Variants in NBEA observed in about 807,000 individuals in gnomAD.
NBEA encodes the protein lysosomal-trafficking regulator 2.
Under a neutral mutation model 343.4 loss-of-function variants are expected in NBEA, and 44 were observed. That is an observed-to-expected ratio of 0.13 (90% CI 0.10 to 0.16). The LOEUF (loss-of-function observed/expected upper bound fraction) is 0.16, where lower values mean the gene tolerates loss of function less well. NBEA is among the 10% of genes least tolerant of loss of function. The pLI is 1.00. For missense variants in NBEA, 2,555 were observed against 3,631.3 expected (o/e 0.70, Z 7.62); for synonymous variants, 1,175 against 1,238.7 (o/e 0.95, Z 1.08).
chr13:35,165,056 G>T (rs1471883367), intron 24 of NBEA: 1 of 533,440 alleles, frequency 1.9e-6, no homozygotes, highest in Non-Finnish European at 3.9e-6. Context: ...TTGCTCAGAT[G>T]GGAAAGAATA....
chr13:35,595,897 G>T (rs1280024742), intron 47 of NBEA, among the ~76,000 whole-genome samples: 4 of 151,328 alleles, frequency 2.6e-5, no homozygotes, highest in African/African-American at 4.9e-5. Context: ...ATTTTTTTTT[G>T]AGTGACGTGG....
intron 8 of NBEA, among the ~76,000 whole-genome samples, chr13:35,066,528 T>C (rs1323023199): frequency 6.6e-6 from 1 of 152,158 alleles, no homozygotes; most frequent in East Asian, 1.9e-4. Flanking sequence ...ATTGGCCCTT[T>C]TATCATTATC....
chr13:35,261,220 A>G (rs746153190), intron 34 of NBEA, among the ~76,000 whole-genome samples: 8 of 152,332 alleles, frequency 5.3e-5, no homozygotes, highest in South Asian at 4.1e-4. Context: ...AAATATTTAA[A>G]GTAAAATATG....
chr13:35,249,214 A>G (rs1258669218), intron 34 of NBEA, among the ~76,000 whole-genome samples: 1 of 151,690 alleles, frequency 6.6e-6, no homozygotes, highest in Non-Finnish European at 1.5e-5. Context: ...TTTGGCAATG[A>G]TTTCTTTCTA....
At chr13:35,649,957 AAC>A (rs2084436525) in intron 52 of NBEA, 110 bp downstream of exon 52, 1 of 1,072,728 alleles carries the variant, frequency 9.3e-7, no homozygotes, top group African/African-American at 1.6e-5. Context: ...ATCTACAAAA[AAC>A]AGCAGACTAA....
At chr13:35,110,158 A>G (rs1327405756) in intron 12 of NBEA, among the ~76,000 whole-genome samples, 1 of 149,844 alleles carries the variant, frequency 6.7e-6, no homozygotes, top group East Asian at 2.0e-4. Context: ...TGCACCCACT[A>G]ACGTGTCATC....
chr13:35,188,560 A>T (rs1288156497), intron 30 of NBEA, among the ~76,000 whole-genome samples: 1 of 152,142 alleles, frequency 6.6e-6, no homozygotes, highest in Non-Finnish European at 1.5e-5. Context: ...GTCATAAATG[A>T]CAGGAGTTTC....
chr13:35,592,736 A>T (rs1224458382), intron 46 of NBEA, among the ~76,000 whole-genome samples: 4 of 152,122 alleles, frequency 2.6e-5, no homozygotes, highest in African/African-American at 9.7e-5. Flanking sequence ...TGTAAAACAA[A>T]TTAGGTAGTT....
intron 1 of NBEA, among the ~76,000 whole-genome samples, chr13:35,018,385 G>GT (rs35577549): frequency 6.6e-6 from 1 of 151,780 alleles, no homozygotes; most frequent in South Asian, 2.1e-4. Context: ...ATCTACTTAG[G>GT]TTTTTCTTTT....
At chr13:35,462,660 A>G (rs2046973984) in intron 40 of NBEA, among the ~76,000 whole-genome samples, 1 of 152,156 alleles carries the variant, frequency 6.6e-6, no homozygotes, top group African/African-American at 2.4e-5. Flanking sequence ...TGTGTAGAAT[A>G]TGCTTTTAGG....
intron 34 of NBEA, among the ~76,000 whole-genome samples, chr13:35,233,092 A>G (rs2075061182): frequency 6.6e-6 from 1 of 152,166 alleles, no homozygotes; most frequent in African/African-American, 2.4e-5. Context: ...TGTCTCCTCA[A>G]CAGCAGCTTA....
chr13:35,222,571 A>C (rs1427401522), intron 33 of NBEA, among the ~76,000 whole-genome samples: 3 of 151,344 alleles, frequency 2.0e-5, no homozygotes, highest in African/African-American at 7.3e-5. Context: ...TTTTTTTATT[A>C]TTTCATTTTC....
intron 28 of NBEA, among the ~76,000 whole-genome samples, chr13:35,177,421 G>A (rs1012282736): frequency 6.6e-6 from 1 of 151,746 alleles, no homozygotes; most frequent in African/African-American, 2.4e-5. Context: ...TCCATTTGCA[G>A]GTACTAAAAA....
intron 38 of NBEA, among the ~76,000 whole-genome samples, chr13:35,360,250 G>A (rs2040735773): frequency 6.6e-6 from 1 of 151,974 alleles, no homozygotes; most frequent in Non-Finnish European, 1.5e-5. Context: ...CTGAAGACTT[G>A]CAAATCTGGA....
intron 8 of NBEA, among the ~76,000 whole-genome samples, 191 bp downstream of exon 8, chr13:35,059,054 T>C (rs1375907099): frequency 2.6e-5 from 4 of 152,100 alleles, no homozygotes; most frequent in Non-Finnish European, 4.4e-5. Flanking sequence ...ACTTTTATTC[T>C]TCAGAATATT....
intron 10 of NBEA, among the ~76,000 whole-genome samples, chr13:35,072,532 CTATTA>C (rs1171259447): frequency 1.3e-5 from 2 of 151,658 alleles, no homozygotes; most frequent in African/African-American, 2.4e-5. Context: ...TCAGTGATGT[CTATTA>C]TGTCTTTTGT....
At chr13:35,497,143 A>G (rs1272276866) in intron 41 of NBEA, among the ~76,000 whole-genome samples, 1 of 152,160 alleles carries the variant, frequency 6.6e-6, no homozygotes, top group East Asian at 1.9e-4. Flanking sequence ...ATCACCTCCA[A>G]TAGGTTATCT....
chr13:35,202,620 A>G (rs1419355871), intron 31 of NBEA, among the ~76,000 whole-genome samples: 1 of 151,964 alleles, frequency 6.6e-6, no homozygotes, highest in Non-Finnish European at 1.5e-5. Context: ...TCCTTATACC[A>G]CTTTTCCTGT....
intron 38 of NBEA, among the ~76,000 whole-genome samples, chr13:35,359,639 G>A (rs932822667): frequency 6.6e-6 from 1 of 152,096 alleles, no homozygotes. Context: ...TTGAGGAAAA[G>A]CTATGAGAGA....
Sources: allele counts gnomAD v4.1 joint callset (sites outside exome capture counted in the v4.1 genomes callset), GRCh38; gene constraint gnomAD v4.1.1; transcripts MANE v1.5; gene names NCBI Gene and HGNC (gene_info 2026-07-23, HGNC 2026-07-21).